The following ITGB6 variants were observed in gnomAD, a reference collection of about 807,000 sequenced individuals.
ITGB6 encodes the protein integrin subunit beta 6, also known as integrin beta-6.
Under a neutral mutation model 84.5 loss-of-function variants are expected in ITGB6, and 80 were observed. The ratio of observed to expected loss-of-function variants is 0.95; its 90% confidence interval spans 0.79 to 1.14. The LOEUF is 1.14. Among genes scored for constraint, ITGB6 ranks in the 50% most tolerant of loss-of-function variants. ITGB6 has a pLI of 0.00. For synonymous variants in ITGB6, 383 were observed against 354.9 expected, an observed-to-expected ratio of 1.08 and a Z score of -0.89; for missense variants, 1,006 against 968.0, an observed-to-expected ratio of 1.04 and a Z score of -0.52.
At chr2:160,145,343 C>T (rs968119807) in intron 7 of ITGB6, among the ~76,000 whole-genome samples, 4 of 152,122 alleles carry the variant, frequency 2.6e-5, no homozygotes, top group African/African-American at 9.7e-5. Context: ...CCCTGTCCTC[C>T]CTACCATACC....
chr2:160,137,317 C>T lies in ITGB6; in HGVS notation c.1660+117G>A. On this transcript the variant is annotated intron_variant, in intron 10 of 14. Coordinates refer to ENST00000283249, the MANE Select transcript of ITGB6 (RefSeq NM_000888.5). ...CAGTTACCCTAGGTCTAAGGCTGAT[C>T]AGCAAATATTTATTGAGCACCTACT... is the stretch of plus-strand genomic sequence containing the variant. 4.2e-6 allele frequency: 4 copies of T among 945,340 alleles called. No individual in the cohort carries two copies. In the South Asian group the frequency reaches 6.5e-5, roughly 15 times the overall value. 58.6% of individuals were successfully genotyped at this position (945,340 alleles called of 1,614,324 possible).
chr2:160,139,409 C>G (rs1435998265), intron 8 of ITGB6, among the ~76,000 whole-genome samples: 1 of 152,028 alleles, frequency 6.6e-6, no homozygotes, highest in Non-Finnish European at 1.5e-5. Context: ...AAATGAGATG[C>G]TTTGATACTT....
intron 4 of ITGB6, among the ~76,000 whole-genome samples, chr2:160,182,451 T>C (rs1245456953): frequency 2.0e-5 from 3 of 152,100 alleles, no homozygotes; most frequent in Non-Finnish European, 4.4e-5. Flanking sequence ...AGAAAAAGAA[T>C]GAAAAGGAAC....
At chr2:160,151,917 T>G (rs924770025) in intron 7 of ITGB6, among the ~76,000 whole-genome samples, 2 of 152,124 alleles carry the variant, frequency 1.3e-5, no homozygotes, top group Non-Finnish European at 2.9e-5. Context: ...AATCTCTGAA[T>G]AGAACAATAA....
intron 7 of ITGB6, among the ~76,000 whole-genome samples, chr2:160,166,203 C>T (rs963044640): frequency 5.9e-5 from 9 of 152,116 alleles, no homozygotes; most frequent in Non-Finnish European, 1.5e-5. Context: ...TGCTAACAGC[C>T]AAGAGATATT....
chr2:160,114,871 G>A (rs1458376181), intron 12 of ITGB6, among the ~76,000 whole-genome samples: 1 of 152,214 alleles, frequency 6.6e-6, no homozygotes, highest in Non-Finnish European at 1.5e-5. Flanking sequence ...TGGCTCAGAG[G>A]GTCCTACGCC....
At position 160,172,653 on chromosome 2, in the gene ITGB6, G is replaced by C; in HGVS notation, c.837C>G (p.Asp279Glu). Reference sequence around the variant, plus strand: ...GAATGACGATGCCTGCTAGTTTGCTGTCCATTCCAAAATGAGAATCAGCAT... The same window carrying C: ...GAATGACGATGCCTGCTAGTTTGCTCTCCATTCCAAAATGAGAATCAGCAT... ...VSDADSHFGMDSKLAGIVIPN... is the reference protein window; with the variant it reads ...VSDADSHFGMESKLAGIVIPN... Residue 279 changes from aspartate (D) to glutamate (E), a missense_variant, in exon 6 of 15, where the codon GAC becomes GAG. Transcript: ENST00000283249. 6.2e-7 allele frequency: 1 copy of C among 1,612,016 alleles called. No individual in the cohort carries two copies.
At chr2:160,105,880 G>A (rs1297116821) in intron 14 of ITGB6, among the ~76,000 whole-genome samples, 2 of 152,192 alleles carry the variant, frequency 1.3e-5, no homozygotes, top group South Asian at 4.1e-4. Flanking sequence ...TGTTAGGGAT[G>A]AGTAAATTAT....
chr2:160,157,524 A>G (rs1420696089), intron 7 of ITGB6, among the ~76,000 whole-genome samples: 5 of 152,174 alleles, frequency 3.3e-5, no homozygotes, highest in African/African-American at 1.2e-4. Context: ...GAGGGTGGGA[A>G]TCTTATTAGA....
intron 13 of ITGB6, 42 bp downstream of exon 13, chr2:160,112,038 G>A: frequency 6.2e-7 from 1 of 1,602,392 alleles, no homozygotes; most frequent in Non-Finnish European, 8.5e-7. Context: ...CTTCTCCTGT[G>A]TAGTATCATT....
Position 160,138,157 on chromosome 2 carries a change from C to A in ITGB6, c.1150G>T (p.Glu384Ter). 6.2e-7 allele frequency: 1 copy of A among 1,613,976 alleles called. No homozygotes were observed. The highest frequency in any genetic ancestry group is 1.3e-5 in the African/African-American group (1 of 75,046). Residue 384 changes from glutamate to a stop codon, truncating the protein, a stop_gained, in exon 9 of 15, where the codon GAA (glutamate) becomes TAA (stop). Coordinates refer to ENST00000283249, the MANE Select transcript of ITGB6 (RefSeq NM_000888.5). LOFTEE classifies it high-confidence loss of function. ...GCTGTAAATGACAAGTTGAGTCCTTCAGTGTCTCCTAATACTTCCAGTTCC... is the reference window on the plus strand; with the variant it reads ...GCTGTAAATGACAAGTTGAGTCCTTAAGTGTCTCCTAATACTTCCAGTTCC... The part of the protein sequence containing the change: ...EVELEVLGDT[E>*]GLNLSFTAIC...
chr2:160,169,086 C>G, intron 7 of ITGB6, 126 bp downstream of exon 7: 1 of 593,106 alleles, frequency 1.7e-6, no homozygotes, highest in East Asian at 2.7e-5. Flanking sequence ...GCCAAGCGCC[C>G]AGTACATTTG....
At position 160,137,969 on chromosome 2, in the gene ITGB6, T is replaced by C. The variant is rs368019585; in HGVS notation, c.1242+96A>G. 72 of 1,531,168 alleles carry C rather than the reference T, an allele frequency of 4.7e-5. No individual in the cohort carries two copies. The East Asian group carries it at 6.3e-4, about 13-fold the overall frequency. The allele number at this position is 1,531,168 out of a possible 1,614,324, so 94.8% of individuals were successfully genotyped here. On this transcript the variant is annotated intron_variant, in intron 9 of 14. Coordinates refer to ENST00000283249, the MANE Select transcript of ITGB6 (RefSeq NM_000888.5). ...TACTAGAAAATCTTTGAAAATTGCT[T>C]TTAAAATTCTTGAAAGAAATCCAGC...
chr2:160,144,766 T>A (rs1356856603), intron 7 of ITGB6, among the ~76,000 whole-genome samples: 1 of 152,200 alleles, frequency 6.6e-6, no homozygotes, highest in African/African-American at 2.4e-5. Flanking sequence ...TCCTAAAACA[T>A]AACTATAATC....
intron 4 of ITGB6, among the ~76,000 whole-genome samples, chr2:160,178,276 C>T (rs1390425325): frequency 4.6e-5 from 7 of 152,164 alleles, no homozygotes; most frequent in African/African-American, 9.7e-5. Context: ...GTTGCCATGA[C>T]GATTATATGA....
chr2:160,175,699 T>C (rs1336714353), intron 4 of ITGB6, among the ~76,000 whole-genome samples: 2 of 152,260 alleles, frequency 1.3e-5, no homozygotes, highest in Admixed American at 6.5e-5. Flanking sequence ...GCATGAGTTA[T>C]AGTGCCTTCG....
At chr2:160,170,563 A>C (rs1355288177) in intron 6 of ITGB6, among the ~76,000 whole-genome samples, 1 of 152,146 alleles carries the variant, frequency 6.6e-6, no homozygotes, top group Non-Finnish European at 1.5e-5. Context: ...TAGTCCTTCG[A>C]AGGTGAGCGA....
rs1471830387 is a variant in ITGB6, at chr2:160,188,988, C to G, written c.593+6381G>C. Among the ~76,000 whole-genome samples the G allele has an allele frequency of 3.9e-5, 6 of 152,104 alleles. No individual in the cohort carries two copies. The South Asian group carries it at 6.2e-4, about 16-fold the overall frequency. On this transcript the variant is annotated intron_variant, in intron 4 of 14. Coordinates refer to ENST00000283249, the MANE Select transcript of ITGB6 (RefSeq NM_000888.5). The stretch of plus-strand genomic sequence containing the variant: ...CTACAGTAACCAAAACAGCATGGTA[C>G]TGGTACCAAAACAGAGATATAGACC...
chr2:160,128,020 G>A (rs183847279), intron 10 of ITGB6, among the ~76,000 whole-genome samples: 2 of 152,164 alleles, frequency 1.3e-5, no homozygotes, highest in African/African-American at 4.8e-5. Context: ...CATACACTGA[G>A]TGCTCAAAAA....
Sources: allele counts gnomAD v4.1 joint callset (sites outside exome capture counted in the v4.1 genomes callset), GRCh38; gene constraint gnomAD v4.1.1; transcripts MANE v1.5; gene names NCBI Gene and HGNC (gene_info 2026-07-23, HGNC 2026-07-21).